The following NEFM variants were observed in gnomAD, a reference collection of about 807,000 sequenced individuals.
The protein encoded by NEFM is neurofilament medium polypeptide.
A neutral mutation model predicts 48.1 loss-of-function variants in NEFM; 16 were observed. The observed-to-expected ratio is 0.33, with a 90% confidence interval of 0.23 to 0.51. The LOEUF (loss-of-function observed/expected upper bound fraction) is 0.51, where lower values mean the gene tolerates loss of function less well. Among genes scored for constraint, NEFM ranks in the 20% least tolerant of loss-of-function variants. The pLI is 0.98. For missense variants in NEFM, 1,107 were observed against 1,136.0 expected (o/e 0.97, Z 0.37); for synonymous variants, 465 against 456.9 (o/e 1.02, Z -0.23).
chr8:24,914,017 T>C lies in NEFM; in HGVS notation c.224T>C (p.Leu75Pro). ...SAMLSSAESS[L>P]DFSQSSSLLN... The stretch of plus-strand genomic sequence containing the variant: ...ATGCTCAGCTCCGCCGAGAGCAGCC[T>C]TGACTTCAGCCAGTCCTCGTCCCTG... The change falls in exon 1 of 3, where the codon CTT (leucine) becomes CCT (proline). Residue 75 changes from leucine (L) to proline (P), a missense_variant. Leu to Pro is a moderately conservative substitution (Grantham distance 98). Coordinates refer to ENST00000221166, the MANE Select transcript of NEFM (RefSeq NM_005382.2). 6.2e-7 allele frequency: 1 copy of C among 1,612,428 alleles called. No homozygotes were observed. The highest frequency in any genetic ancestry group is 8.5e-7 in the Non-Finnish European group (1 of 1,179,958).
At position 24,914,545 on chromosome 8, in the gene NEFM, C is replaced by G; in HGVS notation, c.752C>G (p.Ala251Gly). ...GCCGACCTTCTGGCCCAGATCCAGGCATCGCACATCACGGTGGAGCGCAAA... is the reference window on the plus strand; with the variant it reads ...GCCGACCTTCTGGCCCAGATCCAGGGATCGCACATCACGGTGGAGCGCAAA... Reference protein sequence around the residue: ...EVADLLAQIQASHITVERKDY... With the variant: ...EVADLLAQIQGSHITVERKDY... Residue 251 changes from alanine to glycine, a missense_variant, in exon 1 of 3, where the codon GCA becomes GGA. Ala to Gly is a moderately conservative substitution (Grantham distance 60, BLOSUM62 0). This residue lies in a region of NEFM where 917 missense variants were observed against 916.4 expected (regional missense o/e 1.00). Coordinates refer to ENST00000221166, the MANE Select transcript of NEFM (RefSeq NM_005382.2). 6.2e-7 allele frequency: 1 copy of G among 1,614,182 alleles called. No homozygotes were observed. The highest frequency in any genetic ancestry group is 8.5e-7 in the Non-Finnish European group (1 of 1,180,046).
In NEFM at chr8:24,918,338, G is replaced by A; in HGVS notation, c.2483G>A (p.Gly828Asp). ...EKGSGREEEKGVVTNGLDLSP... is the reference protein window; with the variant it reads ...EKGSGREEEKDVVTNGLDLSP... ...GGCAGTGGGAGGGAAGAGGAGAAAG[G>A]CGTTGTCACCAATGGCCTAGACTTG... The change falls in exon 3 of 3, where the codon GGC (glycine) becomes GAC (aspartate). Residue 828 changes from glycine to aspartate, a missense_variant. Physicochemically the swap from Gly to Asp is moderately conservative, Grantham distance 94. This residue lies in a region of NEFM where 917 missense variants were observed against 916.4 expected (regional missense o/e 1.00). Coordinates refer to ENST00000221166, the MANE Select transcript of NEFM (RefSeq NM_005382.2). 6.2e-7 allele frequency: 1 copy of A among 1,613,730 alleles called. No homozygotes were observed. The highest frequency in any genetic ancestry group is 8.5e-7 in the Non-Finnish European group (1 of 1,179,740).
In NEFM at chr8:24,915,653, A is replaced by G; in HGVS notation, c.1129A>G (p.Met377Val). Reference protein sequence around the residue: ...ENELRGTKWEMARHLREYQDL... With the variant: ...ENELRGTKWEVARHLREYQDL... ...TGAGCTTCGGGGCACAAAGTGGGAA[A>G]TGGCTCGTCATTTGCGCGAATACCA... is the stretch of plus-strand genomic sequence containing the variant. The change falls in exon 2 of 3, where the codon ATG (methionine) becomes GTG (valine). Residue 377 changes from methionine (M) to valine (V), a missense_variant. Met to Val is a conservative substitution (Grantham distance 21, BLOSUM62 1). Around this residue, in one of 3 missense-constraint regions of NEFM, gnomAD observed 917 missense variants for 916.4 expected, o/e 1.00. Coordinates refer to ENST00000221166, the MANE Select transcript of NEFM (RefSeq NM_005382.2). 1.2e-6 allele frequency: 2 copies of G among 1,614,024 alleles called. No homozygotes were observed. Among genetic ancestry groups the G allele is most frequent in the Non-Finnish European group, 1.7e-6 (2 of 1,179,998 alleles).
At chr8:24,915,004 G>A (rs1294432113) in intron 1 of NEFM, 131 bp downstream of exon 1, 11 of 1,406,640 alleles carry the variant, frequency 7.8e-6, no homozygotes, top group Non-Finnish European at 1.0e-5. Flanking sequence ...GCGCGCCGCA[G>A]ACCTAGGGTA....
Position 24,917,402 on chromosome 8 carries a change from C to T in NEFM, c.1547C>T (p.Thr516Ile). ...GCCAAAAAGTCTCCAGTGAAAGCAA[C>T]TGCACCTGAAGTTAAAGAAGAGGAA... ...VAAKKSPVKA[T>I]APEVKEEEGE... Residue 516 changes from threonine (T) to isoleucine (I), a missense_variant, in exon 3 of 3, where the codon ACT (threonine) becomes ATT (isoleucine). This residue lies in a region of NEFM where 917 missense variants were observed against 916.4 expected (regional missense o/e 1.00). Coordinates refer to ENST00000221166, the MANE Select transcript of NEFM (RefSeq NM_005382.2). 6.4e-7 allele frequency: 1 copy of T among 1,568,152 alleles called. No homozygotes were observed. The highest frequency in any genetic ancestry group is 2.4e-5 in the East Asian group (1 of 41,988).
chr8:24,914,288 C>CCA lies in NEFM; in HGVS notation c.497_498dup (p.Glu167ThrfsTer97). On this transcript the variant is annotated frameshift_variant, in exon 1 of 3. Coordinates refer to ENST00000221166, the MANE Select transcript of NEFM (RefSeq NM_005382.2). LOFTEE classifies it high-confidence loss of function. ...TGCGCGCCACCCTGGAGATGGTGAA[C>CCA]CACGAGAAGGCTCAGGTGCAGCTGG... 6.2e-7 allele frequency: 1 copy of CCA among 1,612,950 alleles called. No homozygotes were observed. The highest frequency in any genetic ancestry group is 8.5e-7 in the Non-Finnish European group (1 of 1,179,678).
In NEFM at chr8:24,914,802, A is replaced by T; in HGVS notation, c.1009A>T (p.Thr337Ser). 6.2e-7 allele frequency: 1 copy of T among 1,605,638 alleles called. No homozygotes were observed. The change falls in exon 1 of 3, where the codon ACC becomes TCC. Residue 337 changes from threonine to serine, a missense_variant. By Grantham distance (58) the Thr-to-Ser change is moderately conservative. This residue lies in a region of NEFM where 917 missense variants were observed against 916.4 expected (regional missense o/e 1.00). Coordinates refer to ENST00000221166, the MANE Select transcript of NEFM (RefSeq NM_005382.2). ...KSIELESVRG[T>S]KESLERQLSD... ...CATCGAGCTAGAGTCGGTGCGCGGC[A>T]CCAAGGAGTCCCTGGAGCGGCAGCT...
chr8:24,918,221 A>G lies in NEFM; in HGVS notation c.2366A>G (p.Asp789Gly). 1.3e-6 allele frequency: 2 copies of G among 1,558,688 alleles called. No individual in the cohort carries two copies. Residue 789 changes from aspartate (D) to glycine (G), a missense_variant, in exon 3 of 3, where the codon GAT becomes GGT. Coordinates refer to ENST00000221166, the MANE Select transcript of NEFM (RefSeq NM_005382.2). ...GEGGSEEEGS[D>G]KGAKGSRKED... ...GGAGGAAGTGAGGAGGAAGGGAGTG[A>G]TAAAGGTGCCAAGGGATCCAGGAAG...
At position 24,914,733 on chromosome 8, in the gene NEFM, A is replaced by G. The variant is rs1195741997; in HGVS notation, c.940A>G (p.Lys314Glu). Residue 314 changes from lysine (K) to glutamate (E), a missense_variant, in exon 1 of 3, where the codon AAG (lysine) becomes GAG (glutamate). By Grantham distance (56) the Lys-to-Glu change is moderately conservative (BLOSUM62 1). Around this residue, in one of 3 missense-constraint regions of NEFM, gnomAD observed 917 missense variants for 916.4 expected, o/e 1.00. Coordinates refer to ENST00000221166, the MANE Select transcript of NEFM (RefSeq NM_005382.2). ...GAACAAGGAGGCCATCCGCTCCGCC[A>G]AGGAAGAGATCGCCGAGTACCGGCG... is the stretch of plus-strand genomic sequence containing the variant. ...EQNKEAIRSA[K>E]EEIAEYRRQL... is the part of the protein sequence containing the mutation. 6.2e-7 allele frequency: 1 copy of G among 1,613,764 alleles called. No individual in the cohort carries two copies. Among genetic ancestry groups the G allele is most frequent in the Admixed American group, 1.7e-5 (1 of 59,986 alleles).
chr8:24,917,285 C>T lies in NEFM; in HGVS notation c.1430C>T (p.Thr477Ile), dbSNP rs754671678. Residue 477 changes from threonine to isoleucine, a missense_variant, in exon 3 of 3, where the codon ACA becomes ATA. By Grantham distance (89) the Thr-to-Ile change is moderately conservative. Around this residue, in one of 3 missense-constraint regions of NEFM, gnomAD observed 917 missense variants for 916.4 expected, o/e 1.00. Coordinates refer to ENST00000221166, the MANE Select transcript of NEFM (RefSeq NM_005382.2). The stretch of plus-strand genomic sequence containing the variant: ...ATGGAAGAGGCCCTGACAGCCATTA[C>T]AGAGGAATTGGCCGTTTCCATGAAG... ...SEMEEALTAI[T>I]EELAVSMKEE... The T allele has an allele frequency of 1.2e-6, 2 of 1,614,034 alleles. No individual in the cohort carries two copies. The highest frequency in any genetic ancestry group is 1.7e-5 in the Admixed American group (1 of 60,000).
rs1802616494 is a variant in NEFM at position 24,918,456 on chromosome 8, T to C, written c.2601T>C (p.Asp867=). 4.3e-6 allele frequency: 7 copies of C among 1,613,822 alleles called. No individual in the cohort carries two copies. Among genetic ancestry groups the C allele is most frequent in the African/African-American group, 1.3e-5 (1 of 74,852 alleles). Reference sequence around the variant, plus strand: ...AAAAAATCACCAGTGAGGGGGGAGATGGTGCTACCAAATACATCACTAAAT... The same window carrying C: ...AAAAAATCACCAGTGAGGGGGGAGACGGTGCTACCAAATACATCACTAAAT... ...TVEKITSEGG[D]GATKYITKSV... The change falls in exon 3 of 3, where the codon GAT becomes GAC. Residue 867 remains aspartate (D), a synonymous_variant. Transcript: ENST00000221166.
In NEFM at chr8:24,914,085, C is replaced by T. The variant is rs772355753; in HGVS notation, c.292C>T (p.Arg98Cys). The T allele has an allele frequency of 2.5e-6, 4 of 1,613,006 alleles. No homozygotes were observed. Among genetic ancestry groups the T allele is most frequent in the Non-Finnish European group, 3.4e-6 (4 of 1,179,980 alleles). Residue 98 changes from arginine (R) to cysteine (C), a missense_variant, in exon 1 of 3, where the codon CGC (arginine) becomes TGC (cysteine). This residue lies in a region of NEFM where 186 missense variants were observed against 200.6 expected (regional missense o/e 0.93). Coordinates refer to ENST00000221166, the MANE Select transcript of NEFM (RefSeq NM_005382.2). Reference protein sequence around the residue: ...SGPGGDYKLSRSNEKEQLQGL... With the variant: ...SGPGGDYKLSCSNEKEQLQGL... ...ACCCGGCGGCGACTACAAGCTGTCC[C>T]GCTCCAACGAGAAGGAGCAGCTGCA...
chr8:24,914,560 T>A lies in NEFM; in HGVS notation c.767T>A (p.Val256Glu). ...CAGATCCAGGCATCGCACATCACGG[T>A]GGAGCGCAAAGACTACCTGAAGACA... ...LAQIQASHIT[V>E]ERKDYLKTDI... The change falls in exon 1 of 3, where the codon GTG (valine) becomes GAG (glutamate). Residue 256 changes from valine to glutamate, a missense_variant. Val to Glu is a moderately radical substitution (Grantham distance 121). Around this residue, in one of 3 missense-constraint regions of NEFM, gnomAD observed 917 missense variants for 916.4 expected, o/e 1.00. Transcript: ENST00000221166. The A allele has an allele frequency of 6.2e-7, 1 of 1,613,926 alleles. No individual in the cohort carries two copies. The highest frequency in any genetic ancestry group is 8.5e-7 in the Non-Finnish European group (1 of 1,179,984).
In NEFM at chr8:24,918,558, A is replaced by G. The variant is rs145759057; in HGVS notation, c.2703A>G (p.Glu901=). ...EEKLVSTKKV[E]KVTSHAIVKE... ...AACTAGTGTCTACTAAAAAGGTAGA[A>G]AAAGTCACTTCACACGCCATAGTAA... Residue 901 remains glutamate (E), a synonymous_variant, in exon 3 of 3, where the codon GAA becomes GAG. Coordinates refer to ENST00000221166, the MANE Select transcript of NEFM (RefSeq NM_005382.2). 5.6e-6 allele frequency: 9 copies of G among 1,613,526 alleles called. No homozygotes were observed. The South Asian group carries it at 9.9e-5, about 18-fold the overall frequency.
chr8:24,916,966 T>C, intron 2 of NEFM, 95 bp from the exon 3 acceptor site: 1 of 988,872 alleles, frequency 1.0e-6, no homozygotes. Context: ...TTCTATTTAT[T>C]CAAAGGTAGC....
Position 24,918,578 on chromosome 8 carries a change from T to C in NEFM, c.2723T>C (p.Ile908Thr), listed in dbSNP as rs551452243. The C allele has an allele frequency of 7.4e-6, 12 of 1,612,168 alleles. No individual in the cohort carries two copies. Among genetic ancestry groups the C allele is most frequent in the Non-Finnish European group, 9.3e-6 (11 of 1,179,836 alleles). ...KKVEKVTSHA[I>T]VKEVTQSD Reference sequence around the variant, plus strand: ...GTAGAAAAAGTCACTTCACACGCCATAGTAAAGGAAGTCACCCAGAGTGAC... The same window carrying C: ...GTAGAAAAAGTCACTTCACACGCCACAGTAAAGGAAGTCACCCAGAGTGAC... Residue 908 changes from isoleucine (I) to threonine (T), a missense_variant, in exon 3 of 3, where the codon ATA becomes ACA. By Grantham distance (89) the Ile-to-Thr change is moderately conservative (BLOSUM62 -1). Transcript: ENST00000221166.
rs747037395 is a variant in NEFM, at chr8:24,917,133, C to G, written c.1278C>G (p.His426Gln). ...GCATCACTGGGCCACTGTATACACA[C>G]CGACCCCCAATCACAATATCCAGTA... ...AGSITGPLYT[H>Q]RPPITISSKI... Residue 426 changes from histidine to glutamine, a missense_variant, in exon 3 of 3, where the codon CAC becomes CAG. By Grantham distance (24) the His-to-Gln change is conservative. Coordinates refer to ENST00000221166, the MANE Select transcript of NEFM (RefSeq NM_005382.2). The G allele has an allele frequency of 1.8e-4, 297 of 1,614,016 alleles. No homozygotes were observed. The highest frequency in any genetic ancestry group is 2.2e-4 in the Non-Finnish European group (260 of 1,180,040).
At position 24,915,721 on chromosome 8, in the gene NEFM, T is replaced by G; in HGVS notation, c.1197T>G (p.Ala399=). 6.2e-7 allele frequency: 1 copy of G among 1,614,038 alleles called. No individual in the cohort carries two copies. The highest frequency in any genetic ancestry group is 2.2e-5 in the East Asian group (1 of 44,868). ...AGATGGCTCTGGATATAGAAATCGC[T>G]GCGTACAGGTACGATGCTTACTACG... ...NVKMALDIEI[A]AYRKLLEGEE... Residue 399 remains alanine (A), a synonymous_variant, in exon 2 of 3, where the codon GCT becomes GCG. Transcript: ENST00000221166.
In NEFM at chr8:24,914,568, A is replaced by C. The variant is rs1179513740; in HGVS notation, c.775A>C (p.Lys259Gln). Residue 259 changes from lysine (K) to glutamine (Q), a missense_variant, in exon 1 of 3, where the codon AAA (lysine) becomes CAA (glutamine). Transcript: ENST00000221166. ...GGCATCGCACATCACGGTGGAGCGC[A>C]AAGACTACCTGAAGACAGACATCTC... ...IQASHITVER[K>Q]DYLKTDISTA... The C allele has an allele frequency of 6.2e-7, 1 of 1,614,180 alleles. No individual in the cohort carries two copies. Among genetic ancestry groups the C allele is most frequent in the African/African-American group, 1.3e-5 (1 of 75,068 alleles).
Sources: allele counts gnomAD v4.1 joint callset, GRCh38; gene constraint gnomAD v4.1.1; regional missense constraint gnomAD v4.1.1; transcripts MANE v1.5; gene names NCBI Gene and HGNC (gene_info 2026-07-23, HGNC 2026-07-21).